Variants in SGK3 observed in about 807,000 individuals in gnomAD.
SGK3 encodes the protein serine/threonine-protein kinase Sgk3.
SGK3 carries 47 observed loss-of-function variants against 68.5 expected under a neutral mutation model. That is an observed-to-expected ratio of 0.69 (90% CI 0.54 to 0.87). The LOEUF (loss-of-function observed/expected upper bound fraction) is 0.87. SGK3 is among the 40% of genes least tolerant of loss of function. The probability of loss-of-function intolerance (pLI) is 0.00; values close to 1 mark genes in which losing one functional copy is unlikely to be tolerated. For missense variants in SGK3, 479 were observed against 575.5 expected (o/e 0.83, Z 1.72); for synonymous variants, 181 against 189.1 (o/e 0.96, Z 0.35).
At chr8:66,755,281 C>T (rs1212060030) in intron 1 of SGK3, among the ~76,000 whole-genome samples, 1 of 146,622 alleles carries the variant, frequency 6.8e-6, no homozygotes, top group Non-Finnish European at 1.5e-5. Flanking sequence ...AAACGAAAAA[C>T]AGCAACAACA....
rs1585683024 is a variant in SGK3 at position 66,764,013 on chromosome 8, A to G, written c.-121-29603A>G. Among the ~76,000 whole-genome samples the G allele has an allele frequency of 2.0e-5, 3 of 152,278 alleles. No homozygotes were observed. In the East Asian group the frequency reaches 5.8e-4, roughly 29 times the overall value. On this transcript the variant is annotated intron_variant, in intron 1 of 16. Transcript: ENST00000521198. ...CAGCCTCCCGAGTAGCTGGAACTAC[A>G]GGCATGTGCCACCACACCCGGCTAA... is the stretch of plus-strand genomic sequence containing the variant.
intron 8 of SGK3, among the ~76,000 whole-genome samples, chr8:66,835,282 G>A (rs1430674647): frequency 6.6e-6 from 1 of 152,126 alleles, no homozygotes; most frequent in Non-Finnish European, 1.5e-5. Context: ...GTCTGCATGG[G>A]ACCCAGCCCA....
At chr8:66,779,591 T>G (rs1307002184) in intron 1 of SGK3, among the ~76,000 whole-genome samples, 1 of 130,840 alleles carries the variant, frequency 7.6e-6, no homozygotes, top group African/African-American at 3.1e-5. Flanking sequence ...TATATATATA[T>G]ATATATATAT....
At chr8:66,850,965 A>G in intron 16 of SGK3, 45 bp downstream of exon 16, 3 of 1,534,674 alleles carry the variant, frequency 2.0e-6, no homozygotes, top group Non-Finnish European at 2.6e-6. Flanking sequence ...GTGAAACTTA[A>G]TAGCAGTTCA....
chr8:66,808,933 G>C (rs1427702517), intron 4 of SGK3, among the ~76,000 whole-genome samples: 1 of 152,024 alleles, frequency 6.6e-6, no homozygotes, highest in South Asian at 2.1e-4. Flanking sequence ...GCAGTGGCGT[G>C]ATCTCGGCCC....
At chr8:66,851,055 A>C (rs1158734219) in intron 16 of SGK3, 135 bp downstream of exon 16, 2 of 916,568 alleles carry the variant, frequency 2.2e-6, no homozygotes. Flanking sequence ...TATGTCACTC[A>C]GGGTTGTCTA....
At chr8:66,834,530 T>C (rs1441100735) in intron 8 of SGK3, among the ~76,000 whole-genome samples, 1 of 152,190 alleles carries the variant, frequency 6.6e-6, no homozygotes, top group Non-Finnish European at 1.5e-5. Flanking sequence ...CATAGGTGTA[T>C]TCACTTTGTA....
At chr8:66,813,147 G>C (rs1424434244) in intron 4 of SGK3, among the ~76,000 whole-genome samples, 1 of 152,122 alleles carries the variant, frequency 6.6e-6, no homozygotes, top group Non-Finnish European at 1.5e-5. Context: ...CTGGCTACTT[G>C]GCAGGCTGAG....
At chr8:66,786,296 C>T (rs1220689225) in intron 1 of SGK3, among the ~76,000 whole-genome samples, 3 of 152,114 alleles carry the variant, frequency 2.0e-5, no homozygotes, top group Non-Finnish European at 2.9e-5. Context: ...GGATAGAAGC[C>T]CTGAAGTCAG....
intron 1 of SGK3, chr8:66,767,657 A>AT (rs1806362042): frequency 7.2e-7 from 1 of 1,389,840 alleles, no homozygotes; most frequent in Admixed American, 1.7e-5. Context: ...AAGGGAAATA[A>AT]TTTTTCTATT....
At chr8:66,781,760 A>G (rs1806994001) in intron 1 of SGK3, among the ~76,000 whole-genome samples, 2 of 152,220 alleles carry the variant, frequency 1.3e-5, no homozygotes, top group Admixed American at 6.5e-5. Context: ...ACTTTTATCA[A>G]GAATCGGATA....
intron 1 of SGK3, chr8:66,768,005 TTC>T: frequency 1.3e-6 from 1 of 760,472 alleles, no homozygotes; most frequent in Non-Finnish European, 2.4e-6. Flanking sequence ...AGAGTAGCCA[TTC>T]TGGATTATTG....
rs577484257 is a variant in SGK3 at position 66,741,876 on chromosome 8, G to A, written c.-122+29043G>A. ...TAGCCTCTGTCCTCAAGGAAGTTAC[G>A]GTCTAATTGTACAGGTAAATAAACA... On this transcript the variant is annotated intron_variant, in intron 1 of 16. Transcript: ENST00000521198. Among the ~76,000 whole-genome samples, 6 of 152,286 alleles carry A rather than the reference G, an allele frequency of 3.9e-5. No individual in the cohort carries two copies. In the South Asian group the frequency reaches 6.2e-4, roughly 16 times the overall value.
chr8:66,746,605 G>A (rs1805662062), intron 1 of SGK3, among the ~76,000 whole-genome samples: 2 of 152,036 alleles, frequency 1.3e-5, no homozygotes, highest in African/African-American at 4.8e-5. Flanking sequence ...CCAGAGTGGA[G>A]TGCAGTAGCA....
chr8:66,817,484 C>T (rs1237741399), intron 5 of SGK3, among the ~76,000 whole-genome samples: 1 of 151,362 alleles, frequency 6.6e-6, no homozygotes, highest in Non-Finnish European at 1.5e-5. Flanking sequence ...TCCCGGGTAG[C>T]TGGGACCACA....
At chr8:66,714,545 G>A (rs1286268204) in intron 1 of SGK3, among the ~76,000 whole-genome samples, 1 of 152,104 alleles carries the variant, frequency 6.6e-6, no homozygotes, top group Admixed American at 6.6e-5. Context: ...ACTTTTCAGA[G>A]AGATGATTAA....
chr8:66,836,452 A>T (rs1385260750), intron 10 of SGK3, among the ~76,000 whole-genome samples: 2 of 152,150 alleles, frequency 1.3e-5, no homozygotes, highest in African/African-American at 4.8e-5. Context: ...GCAAATTATT[A>T]ATCAGATGAG....
At chr8:66,795,481 TCTTC>T (rs1227476771) in intron 2 of SGK3, among the ~76,000 whole-genome samples, 3 of 152,234 alleles carry the variant, frequency 2.0e-5, no homozygotes, top group Admixed American at 2.0e-4. Context: ...TGAAAGTTTT[TCTTC>T]CTTCCTTCCC....
intron 1 of SGK3, among the ~76,000 whole-genome samples, chr8:66,725,183 C>A (rs866862632): frequency 6.6e-6 from 1 of 151,698 alleles, no homozygotes; most frequent in African/African-American, 2.4e-5. Context: ...GAGCCGAGAT[C>A]GTGACACTGC....
Sources: allele counts gnomAD v4.1 joint callset (sites outside exome capture counted in the v4.1 genomes callset), GRCh38; gene constraint gnomAD v4.1.1; transcripts MANE v1.5; gene names NCBI Gene and HGNC (gene_info 2026-07-23, HGNC 2026-07-21).